ABCA1: variants seen among roughly 807,000 people sequenced by gnomAD.
The protein encoded by ABCA1 is phospholipid-transporting ATPase ABCA1.
ABCA1 carries 133 observed loss-of-function variants against 262.5 expected under a neutral mutation model. The observed-to-expected ratio is 0.51, with a 90% confidence interval of 0.44 to 0.59. The LOEUF (loss-of-function observed/expected upper bound fraction) is 0.59, where lower values mean the gene tolerates loss of function less well. Among genes scored for constraint, ABCA1 ranks in the 20% least tolerant of loss-of-function variants. The probability of loss-of-function intolerance (pLI) is 0.00; values close to 1 mark genes in which losing one functional copy is unlikely to be tolerated. For synonymous variants in ABCA1, 1,022 were observed against 1,043.5 expected, an observed-to-expected ratio of 0.98 and a Z score of 0.40; for missense variants, 2,452 against 2,777.5, an observed-to-expected ratio of 0.88 and a Z score of 2.63.
chr9:104,784,746 C>T (rs889909098), intron 49 of ABCA1, among the ~76,000 whole-genome samples: 1 of 152,182 alleles, frequency 6.6e-6, no homozygotes, highest in Non-Finnish European at 1.5e-5. Flanking sequence ...TGGGTTCGAG[C>T]AATTCTCCTG....
intron 29 of ABCA1, 143 bp downstream of exon 29, chr9:104,810,657 A>G (rs1018518897): frequency 7.9e-7 from 1 of 1,268,786 alleles, no homozygotes; most frequent in Non-Finnish European, 1.1e-6. Context: ...CTATGCATGC[A>G]GTATTAGCTT....
chr9:104,794,416 T>A lies in ABCA1; in HGVS notation c.5477A>T (p.Gln1826Leu). The A allele has an allele frequency of 6.2e-7, 1 of 1,613,714 alleles. No homozygotes were observed. Among genetic ancestry groups the A allele is most frequent in the Non-Finnish European group, 8.5e-7 (1 of 1,179,972 alleles). ...GRGLIDMVKNQAMADALERFG... is the reference protein window; with the variant it reads ...GRGLIDMVKNLAMADALERFG... Reference sequence around the variant, plus strand: ...CCTTTCCAGGGCATCAGCCATTGCCTGGTTTTTCACCATGTCGATGAGCCC... The same window carrying A: ...CCTTTCCAGGGCATCAGCCATTGCCAGGTTTTTCACCATGTCGATGAGCCC... Residue 1826 changes from glutamine to leucine, a missense_variant, in exon 40 of 50, where the codon CAG (glutamine) becomes CTG (leucine). Around this residue, in one of 4 missense-constraint regions of ABCA1, gnomAD observed 752 missense variants for 944.5 expected, o/e 0.80. Transcript: ENST00000374736.
intron 4 of ABCA1, among the ~76,000 whole-genome samples, chr9:104,883,459 G>A (rs1224091353): frequency 1.3e-5 from 2 of 152,078 alleles, no homozygotes; most frequent in Admixed American, 6.5e-5. Flanking sequence ...ATGCCCCCAG[G>A]GCCAACTTAT....
intron 1 of ABCA1, among the ~76,000 whole-genome samples, chr9:104,912,018 C>G (rs1218736453): frequency 2.6e-5 from 4 of 152,220 alleles, no homozygotes; most frequent in African/African-American, 7.2e-5. Flanking sequence ...ATGCATCACA[C>G]TTACTTGATT....
At chr9:104,899,349 G>A (rs1840474351) in intron 2 of ABCA1, among the ~76,000 whole-genome samples, 2 of 152,126 alleles carry the variant, frequency 1.3e-5, no homozygotes, top group Admixed American at 1.3e-4. Context: ...TCATAAATGA[G>A]GAGTTTTAAT....
chr9:104,847,389 C>A (rs1029370790), intron 7 of ABCA1, among the ~76,000 whole-genome samples: 1 of 152,140 alleles, frequency 6.6e-6, no homozygotes, highest in Non-Finnish European at 1.5e-5. Flanking sequence ...TTTATAAGCA[C>A]TAAAACTAGA....
At chr9:104,798,776 T>C (rs1830103493) in intron 36 of ABCA1, among the ~76,000 whole-genome samples, 178 bp from the exon 37 acceptor site, 1 of 152,200 alleles carries the variant, frequency 6.6e-6, no homozygotes, top group South Asian at 2.1e-4. Flanking sequence ...AAGATGATCA[T>C]TTTTAAGTCT....
chr9:104,864,024 G>A (rs1836855972), intron 5 of ABCA1, among the ~76,000 whole-genome samples: 1 of 152,212 alleles, frequency 6.6e-6, no homozygotes, highest in East Asian at 1.9e-4. Flanking sequence ...GTTGGGGGAG[G>A]GAGGTGTGGA....
rs1185203464 is a variant in ABCA1 at position 104,866,937 on chromosome 9, C to T, written c.422-5137G>A. 2.6e-5 allele frequency among the ~76,000 whole-genome samples: 4 copies of T among 152,148 alleles called. No individual in the cohort carries two copies. The South Asian group carries it at 6.2e-4, about 24-fold the overall frequency. ...TAATTCCAAAGCCAGCAGTGCCTGGCACAGAGGAGGCACTCAGTAAATTGG... is the reference window on the plus strand; with the variant it reads ...TAATTCCAAAGCCAGCAGTGCCTGGTACAGAGGAGGCACTCAGTAAATTGG... On this transcript the variant is annotated intron_variant, in intron 5 of 49. Transcript: ENST00000374736.
intron 2 of ABCA1, among the ~76,000 whole-genome samples, chr9:104,901,093 T>C (rs1471291381): frequency 1.3e-5 from 2 of 152,228 alleles, no homozygotes; most frequent in African/African-American, 2.4e-5. Context: ...CCAATTTGAA[T>C]GACCCAACCC....
At chr9:104,808,461 G>A (rs528359963) in intron 30 of ABCA1, among the ~76,000 whole-genome samples, 10 of 152,292 alleles carry the variant, frequency 6.6e-5, no homozygotes, top group South Asian at 2.1e-4. Flanking sequence ...CAGATAGGCC[G>A]TGTCTGTGTC....
rs13306078 is a variant in ABCA1 at position 104,793,087 on chromosome 9, C to T, written c.5636+84G>A. 2.3e-4 allele frequency: 375 copies of T among 1,597,034 alleles called. No individual in the cohort carries two copies. The East Asian group carries it at 6.3e-3, about 27-fold the overall frequency. On this transcript the variant is annotated intron_variant, in intron 41 of 49. Coordinates refer to ENST00000374736, the MANE Select transcript of ABCA1 (RefSeq NM_005502.4). The stretch of plus-strand genomic sequence containing the variant: ...CACATATTTTGAGTTCAGTTCAATG[C>T]AACCCCCATTGGTGAGTGTTTCCCT...
Position 104,802,130 on chromosome 9 carries a change from T to C in ABCA1, c.4622A>G (p.Asn1541Ser), listed in dbSNP as rs1830390585. The change falls in exon 34 of 50, where the codon AAT becomes AGT. Residue 1541 changes from asparagine (N) to serine (S), a missense_variant. Physicochemically the swap from Asn to Ser is conservative, Grantham distance 46. Transcript: ENST00000374736. ...TTGACTCGGAGGAAGTGCTTGAGTA[T>C]TACTGACACCCAGGGAAAAGCCGCC... ...RYGGFSLGVS[N>S]TQALPPSQEV... 6.2e-7 allele frequency: 1 copy of C among 1,614,198 alleles called. No homozygotes were observed. Among genetic ancestry groups the C allele is most frequent in the Non-Finnish European group, 8.5e-7 (1 of 1,180,048 alleles).
chr9:104,815,182 T>C (rs1325982879), intron 25 of ABCA1, among the ~76,000 whole-genome samples: 1 of 152,118 alleles, frequency 6.6e-6, no homozygotes, highest in Non-Finnish European at 1.5e-5. Flanking sequence ...GCACTAGAAA[T>C]ATGATGGCAG....
At chr9:104,806,160 TC>T in intron 31 of ABCA1, 80 bp downstream of exon 31, 2 of 1,390,752 alleles carry the variant, frequency 1.4e-6, no homozygotes, top group Middle Eastern at 5.2e-4. Flanking sequence ...ACATGATATC[TC>T]ACTCATTCCT....
chr9:104,828,861 G>A (rs925307953), intron 15 of ABCA1, 55 bp downstream of exon 15: 43 of 1,562,020 alleles, frequency 2.8e-5, no homozygotes, highest in Middle Eastern at 1.7e-4. Context: ...CCCTTAGCCC[G>A]TGTTGAGCTA....
rs533454939 is a variant in ABCA1 at position 104,836,374 on chromosome 9, C to T, written c.1311+606G>A. 2.0e-5 allele frequency among the ~76,000 whole-genome samples: 3 copies of T among 152,314 alleles called. No homozygotes were observed. In the South Asian group the frequency reaches 6.2e-4, roughly 32 times the overall value. Reference sequence around the variant, plus strand: ...ATAGTCTAATGATTCTCTAACTCAGCCCAAGGCAGGAAGATGTGATTAACA... The same window carrying T: ...ATAGTCTAATGATTCTCTAACTCAGTCCAAGGCAGGAAGATGTGATTAACA... On this transcript the variant is annotated intron_variant, in intron 11 of 49. Coordinates refer to ENST00000374736, the MANE Select transcript of ABCA1 (RefSeq NM_005502.4).
chr9:104,801,753 A>G (rs567196815), intron 34 of ABCA1, among the ~76,000 whole-genome samples: 3 of 152,140 alleles, frequency 2.0e-5, no homozygotes, highest in Non-Finnish European at 4.4e-5. Context: ...CATGTAGGCC[A>G]GGCTGGTCTC....
chr9:104,862,756 G>C (rs1362341394), intron 5 of ABCA1, among the ~76,000 whole-genome samples: 1 of 56,944 alleles, frequency 1.8e-5, no homozygotes, highest in Non-Finnish European at 4.4e-5. Context: ...CCCACCCCCA[G>C]AGTTTCTGAT....
Sources: gnomAD v4.1 joint callset for allele counts (sites outside exome capture counted in the v4.1 genomes callset) on GRCh38, gnomAD v4.1.1 for gene constraint, gnomAD v4.1.1 regional missense constraint, MANE v1.5 for transcripts, NCBI Gene and HGNC (gene_info 2026-07-23, HGNC 2026-07-21) for gene names.